FGF12: variants seen among roughly 807,000 people sequenced by gnomAD.
FGF12 encodes fibroblast growth factor 12, also known as fibroblast growth factor 12B.
A neutral mutation model predicts 23.6 loss-of-function variants in FGF12; 14 were observed. That is an observed-to-expected ratio of 0.59 (90% confidence interval 0.39 to 0.93). The LOEUF (loss-of-function observed/expected upper bound fraction) is 0.93, where lower values mean the gene tolerates loss of function less well. FGF12 is among the 40% of genes least tolerant of loss of function. FGF12 has a pLI of 0.00. For missense variants in FGF12, 175 were observed against 217.8 expected, an observed-to-expected ratio of 0.80 and a Z score of 1.24; for synonymous variants, 62 against 77.3, an observed-to-expected ratio of 0.80 and a Z score of 1.04.
chr3:192,404,207 A>T (rs1438483086), intron 2 of FGF12, among the ~76,000 whole-genome samples: 1 of 152,200 alleles, frequency 6.6e-6, no homozygotes, highest in Non-Finnish European at 1.5e-5. Context: ...GTTATATAGA[A>T]ATATAATAAA....
intron 2 of FGF12, among the ~76,000 whole-genome samples, chr3:192,376,841 C>G (rs1483302474): frequency 6.6e-6 from 1 of 152,094 alleles, no homozygotes; most frequent in Non-Finnish European, 1.5e-5. Flanking sequence ...GAGCTTTACT[C>G]TTCTTTTTGA....
Position 192,657,428 on chromosome 3 carries a change from A to AAAC in FGF12, c.13+69752_13+69753insGTT, listed in dbSNP as rs1378081864. Among the ~76,000 whole-genome samples the AAAC allele has an allele frequency of 1.5e-3, 226 of 151,620 alleles. 1 individual carries two copies. The highest frequency in any genetic ancestry group is 3.2e-4 in the Non-Finnish European group (22 of 67,826). Reference sequence around the variant, plus strand: ...TAACTAGAGAGAACTATTAAAAAAAAAAAACAGAGAACTATTAGAACTGTA... The same window carrying AAAC: ...TAACTAGAGAGAACTATTAAAAAAAAAACAAAACAGAGAACTATTAGAACTGTA... On this transcript the variant is annotated intron_variant, in intron 2 of 5. Coordinates refer to ENST00000445105, the MANE Select transcript of FGF12 (RefSeq NM_004113.6).
chr3:192,504,585 T>C (rs1724239219), intron 2 of FGF12, among the ~76,000 whole-genome samples: 1 of 152,184 alleles, frequency 6.6e-6, no homozygotes, highest in South Asian at 2.1e-4. Flanking sequence ...ACGTGAAGTG[T>C]AGCCTGTTGT....
chr3:192,698,120 A>G (rs1352672146), intron 2 of FGF12, among the ~76,000 whole-genome samples: 1 of 152,164 alleles, frequency 6.6e-6, no homozygotes, highest in African/African-American at 2.4e-5. Context: ...TCACTGCTCT[A>G]TATAAAGCAG....
chr3:192,492,346 T>G (rs1363505314), intron 2 of FGF12, among the ~76,000 whole-genome samples: 1 of 152,052 alleles, frequency 6.6e-6, no homozygotes, highest in Non-Finnish European at 1.5e-5. Context: ...TCCACCCTTA[T>G]GGAGAAAGAA....
At chr3:192,247,543 G>A (rs1711704400) in intron 4 of FGF12, among the ~76,000 whole-genome samples, 1 of 152,096 alleles carries the variant, frequency 6.6e-6, no homozygotes, top group Admixed American at 6.6e-5. Context: ...TCAGCTATGT[G>A]GGTCTATATG....
intron 2 of FGF12, among the ~76,000 whole-genome samples, chr3:192,424,937 T>C (rs981250291): frequency 1.3e-5 from 2 of 152,216 alleles, no homozygotes; most frequent in Non-Finnish European, 2.9e-5. Flanking sequence ...TGATACATCC[T>C]ACATACAAGA....
intron 5 of FGF12, among the ~76,000 whole-genome samples, chr3:192,153,279 CTG>C (rs1412306518): frequency 4.2e-5 from 2 of 48,022 alleles, no homozygotes; most frequent in African/African-American, 1.3e-4. Context: ...ATTTGCCAGT[CTG>C]TGTCTTTTAA....
intron 2 of FGF12, among the ~76,000 whole-genome samples, chr3:192,670,802 A>T (rs1206935657): frequency 6.6e-6 from 1 of 152,240 alleles, no homozygotes; most frequent in African/African-American, 2.4e-5. Context: ...ATATATACAA[A>T]GTATAATGGG....
At chr3:192,191,312 T>C (rs974375535) in intron 4 of FGF12, among the ~76,000 whole-genome samples, 1 of 152,220 alleles carries the variant, frequency 6.6e-6, no homozygotes, top group Non-Finnish European at 1.5e-5. Flanking sequence ...CATGTCATTA[T>C]AGATTTGTCC....
At chr3:192,504,294 C>A (rs1295141148) in intron 2 of FGF12, among the ~76,000 whole-genome samples, 1 of 152,092 alleles carries the variant, frequency 6.6e-6, no homozygotes, top group Non-Finnish European at 1.5e-5. Context: ...CTACAACACA[C>A]AATTTACCTG....
intron 2 of FGF12, among the ~76,000 whole-genome samples, chr3:192,717,821 G>A (rs1299522282): frequency 6.6e-6 from 1 of 152,056 alleles, no homozygotes; most frequent in Non-Finnish European, 1.5e-5. Flanking sequence ...TATAACCCAT[G>A]TTCATAAACA....
chr3:192,235,298 A>AT (rs1719228588), intron 4 of FGF12, among the ~76,000 whole-genome samples: 1 of 152,052 alleles, frequency 6.6e-6, no homozygotes, highest in Non-Finnish European at 1.5e-5. Context: ...GAATTTATCA[A>AT]TTTCTTCTAG....
chr3:192,258,848 A>G (rs1157128764), intron 4 of FGF12, among the ~76,000 whole-genome samples: 1 of 152,204 alleles, frequency 6.6e-6, no homozygotes, highest in Non-Finnish European at 1.5e-5. Context: ...TGAATATGAT[A>G]TGCTGTCATC....
chr3:192,683,881 C>A (rs1298451061), intron 2 of FGF12, among the ~76,000 whole-genome samples: 3 of 152,186 alleles, frequency 2.0e-5, no homozygotes, highest in East Asian at 3.9e-4. Flanking sequence ...GCAACTCAAC[C>A]TCCATTCCCT....
At chr3:192,556,017 C>G (rs1342810632) in intron 2 of FGF12, among the ~76,000 whole-genome samples, 1 of 150,580 alleles carries the variant, frequency 6.6e-6, no homozygotes, top group African/African-American at 2.4e-5. Flanking sequence ...AAAGATGCAC[C>G]AAAGAAAGTG....
chr3:192,705,000 C>T (rs1431704638), intron 2 of FGF12, among the ~76,000 whole-genome samples: 3 of 152,216 alleles, frequency 2.0e-5, no homozygotes, highest in Non-Finnish European at 4.4e-5. Context: ...CTGTATTAGG[C>T]TTTGGCTTAA....
chr3:192,351,152 G>A (rs1718202226), intron 3 of FGF12, among the ~76,000 whole-genome samples: 3 of 152,090 alleles, frequency 2.0e-5, no homozygotes, highest in Admixed American at 2.0e-4. Flanking sequence ...ATTTTTCAAA[G>A]GTGAAAACAA....
intron 2 of FGF12, among the ~76,000 whole-genome samples, chr3:192,363,532 C>T (rs1262501460): frequency 6.6e-6 from 1 of 151,998 alleles, no homozygotes; most frequent in African/African-American, 2.4e-5. Context: ...AATGAACATC[C>T]TGCATTACAG....
Sources: gnomAD v4.1 joint callset for allele counts (sites outside exome capture counted in the v4.1 genomes callset) on GRCh38, gnomAD v4.1.1 for gene constraint, MANE v1.5 for transcripts, NCBI Gene and HGNC (gene_info 2026-07-23, HGNC 2026-07-21) for gene names.